ADA: variants seen among roughly 807,000 people sequenced by gnomAD.
ADA encodes the protein adenosine aminohydrolase.
Under a neutral mutation model 49.0 loss-of-function variants are expected in ADA, and 45 were observed. The observed-to-expected ratio is 0.92, with a 90% CI of 0.72 to 1.18. ADA has a LOEUF of 1.18. ADA is among the 50% of genes most tolerant of loss of function. The pLI is 0.00. For missense variants in ADA, 445 were observed against 472.5 expected, an observed-to-expected ratio of 0.94 and a Z score of 0.54; for synonymous variants, 173 against 184.2, an observed-to-expected ratio of 0.94 and a Z score of 0.49.
chr20:44,648,688 C>G (rs2065615525), intron 1 of ADA, among the ~76,000 whole-genome samples: 1 of 152,032 alleles, frequency 6.6e-6, no homozygotes. Flanking sequence ...GCCTCTTGAA[C>G]CTGGTGCTAT....
intron 1 of ADA, among the ~76,000 whole-genome samples, chr20:44,650,507 A>C (rs1213855643): frequency 1.3e-5 from 2 of 152,068 alleles, no homozygotes; most frequent in Non-Finnish European, 2.9e-5. Context: ...ACCTCACTGC[A>C]GCCTCAACCT....
At position 44,625,669 on chromosome 20, in the gene ADA, TG is replaced by T. The variant is rs1249956420; in HGVS notation, c.377del (p.Pro126GlnfsTer7). 1 of 1,563,996 alleles carries T rather than the reference TG, an allele frequency of 6.4e-7. No homozygotes were observed. Among genetic ancestry groups the T allele is most frequent in the Non-Finnish European group, 8.7e-7 (1 of 1,153,424 alleles). ...GGCCCACTAGGGCCACCACCTCGTCTGGGGTGAGGTCCCCTCTGTGTGAGGA... is the reference window on the plus strand; with the variant it reads ...GGCCCACTAGGGCCACCACCTCGTCTGGGTGAGGTCCCCTCTGTGTGAGGA... The part of the protein sequence containing the change: ...PWNQAEGDLT[P>X]DEVVALVGQG... On this transcript the variant is annotated frameshift_variant, in exon 5 of 12. Transcript: ENST00000372874. LOFTEE classifies it high-confidence loss of function.
At chr20:44,649,422 A>C (rs2065621388) in intron 1 of ADA, among the ~76,000 whole-genome samples, 1 of 151,972 alleles carries the variant, frequency 6.6e-6, no homozygotes, top group South Asian at 2.1e-4. Context: ...GGCAGGTAAC[A>C]TTCTACCTTC....
intron 1 of ADA, among the ~76,000 whole-genome samples, chr20:44,650,540 G>A (rs2065634594): frequency 6.6e-6 from 1 of 151,878 alleles, no homozygotes; most frequent in African/African-American, 2.4e-5. Context: ...CGATCCTCCC[G>A]CCTCAGCCTC....
Position 44,640,454 on chromosome 20 carries a change from G to A in ADA, c.34-4166C>T, listed in dbSNP as rs6031687. ...AACTTATGGCGGGTGGATCACCTGA[G>A]GTCAGGAGTTCGAGACCAGCCTGGC... On this transcript the variant is annotated intron_variant, in intron 1 of 11. Transcript: ENST00000372874. Among the ~76,000 whole-genome samples, 214 of 150,962 alleles carry A rather than the reference G, an allele frequency of 1.4e-3. 1 individual carries two copies. Among genetic ancestry groups the A allele is most frequent in the African/African-American group, 5.0e-3 (205 of 41,076 alleles).
In ADA at chr20:44,622,589, G is replaced by T. The variant is rs559798694; in HGVS notation, c.844C>A (p.Arg282=). ...WKPDTEHAVI[R]LKNDQANYSL... The stretch of plus-strand genomic sequence containing the variant: ...CAGGCCCAGGGGAACAGAGCTCACC[G>T]AATGACTGCATGCTCCGTGTCCGGC... The change falls in exon 9 of 12, where the codon CGG becomes AGG. Residue 282 remains arginine (R), a splice_region_variant and synonymous_variant. Coordinates refer to ENST00000372874, the MANE Select transcript of ADA (RefSeq NM_000022.4). 2.5e-6 allele frequency: 4 copies of T among 1,614,094 alleles called. No homozygotes were observed. The Admixed American group carries it at 5.0e-5, about 20-fold the overall frequency.
intron 1 of ADA, among the ~76,000 whole-genome samples, chr20:44,648,550 C>G (rs1167710349): frequency 6.6e-6 from 1 of 152,050 alleles, no homozygotes; most frequent in Non-Finnish European, 1.5e-5. Context: ...GAAAATGCTA[C>G]ATAAACTGCA....
chr20:44,621,223 C>T, intron 9 of ADA, 76 bp from the exon 10 acceptor site: 1 of 1,587,664 alleles, frequency 6.3e-7, no homozygotes, highest in Non-Finnish European at 8.6e-7. Flanking sequence ...TGACGTTCAC[C>T]CGCCTTTGAT....
intron 1 of ADA, among the ~76,000 whole-genome samples, chr20:44,642,304 C>T (rs976066446): frequency 6.6e-6 from 1 of 152,192 alleles, no homozygotes; most frequent in African/African-American, 2.4e-5. Context: ...ACAAGGTAGC[C>T]TCTCCTGCCT....
intron 4 of ADA, 102 bp from the exon 5 acceptor site, chr20:44,625,786 C>G: frequency 2.1e-6 from 2 of 936,244 alleles, no homozygotes; most frequent in Non-Finnish European, 3.4e-6. Context: ...TTGGGGAGGA[C>G]CCTCCTCCCC....
chr20:44,626,249 A>C, intron 4 of ADA: 2 of 707,634 alleles, frequency 2.8e-6, no homozygotes, highest in South Asian at 3.5e-5. Flanking sequence ...ACTTGTGCCC[A>C]AGGTAAGAAC....
intron 5 of ADA, 118 bp downstream of exon 5, chr20:44,625,451 A>G (rs2065372561): frequency 1.1e-6 from 1 of 932,876 alleles, no homozygotes; most frequent in Non-Finnish European, 1.7e-6. Flanking sequence ...AGTGGGCTCA[A>G]GGGGACACCA....
At chr20:44,644,512 A>C (rs1391941894) in intron 1 of ADA, among the ~76,000 whole-genome samples, 1 of 152,210 alleles carries the variant, frequency 6.6e-6, no homozygotes, top group Admixed American at 6.5e-5. Context: ...GTCAGCTCAC[A>C]GAACCTGAGC....
chr20:44,650,206 C>G (rs1430938782), intron 1 of ADA, among the ~76,000 whole-genome samples: 2 of 152,158 alleles, frequency 1.3e-5, no homozygotes, highest in African/African-American at 4.8e-5. Flanking sequence ...GGTAGGAGGG[C>G]TTGTACAGCA....
intron 1 of ADA, among the ~76,000 whole-genome samples, chr20:44,636,541 G>C (rs1383932441): frequency 1.3e-5 from 2 of 152,252 alleles, no homozygotes; most frequent in East Asian, 3.9e-4. Context: ...GAGGTTCGGA[G>C]GTGTTAAATA....
intron 1 of ADA, among the ~76,000 whole-genome samples, chr20:44,644,212 C>T (rs912025108): frequency 2.0e-5 from 3 of 151,724 alleles, no homozygotes; most frequent in African/African-American, 4.8e-5. Flanking sequence ...CCAAACACAT[C>T]GCTCTGTTTT....
At chr20:44,640,781 A>G (rs978667141) in intron 1 of ADA, among the ~76,000 whole-genome samples, 1 of 152,074 alleles carries the variant, frequency 6.6e-6, no homozygotes, top group Non-Finnish European at 1.5e-5. Flanking sequence ...ATGTATCCTT[A>G]TAAGACAGAA....
At chr20:44,620,481 C>T in intron 10 of ADA, 80 bp from the exon 11 acceptor site, 1 of 1,196,080 alleles carries the variant, frequency 8.4e-7, no homozygotes, top group Non-Finnish European at 1.2e-6. Flanking sequence ...ATAGTCCATC[C>T]TCTTCACTCA....
intron 1 of ADA, among the ~76,000 whole-genome samples, chr20:44,642,257 C>A (rs1315211334): frequency 6.6e-6 from 1 of 152,202 alleles, no homozygotes; most frequent in African/African-American, 2.4e-5. Flanking sequence ...TCTCTGCAGA[C>A]CCCTCAGACC....
Sources: allele counts gnomAD v4.1 joint callset (sites outside exome capture counted in the v4.1 genomes callset), GRCh38; gene constraint gnomAD v4.1.1; transcripts MANE v1.5; gene names NCBI Gene and HGNC (gene_info 2026-07-23, HGNC 2026-07-21).